The following G2E3 variants were observed in gnomAD, a reference collection of about 807,000 sequenced individuals.
G2E3 encodes G2/M-phase specific E3 ubiquitin protein ligase, also known as G2/M phase-specific E3 ubiquitin-protein ligase.
G2E3 carries 35 observed loss-of-function variants against 92.8 expected under a neutral mutation model. The observed-to-expected ratio is 0.38, with a 90% CI of 0.29 to 0.50. G2E3 has a LOEUF of 0.50. G2E3 is among the 20% of genes least tolerant of loss of function. The pLI is 0.94. For missense variants in G2E3, 554 were observed against 823.8 expected (o/e 0.67, Z 4.01); for synonymous variants, 242 against 272.4 (o/e 0.89, Z 1.10).
intron 12 of G2E3, 108 bp from the exon 13 acceptor site, chr14:30,612,099 C>T: frequency 1.4e-6 from 1 of 698,552 alleles, no homozygotes; most frequent in Non-Finnish European, 2.5e-6. Flanking sequence ...TTTTACTGCA[C>T]CCATATGTAC....
At chr14:30,610,889 G>A (rs118095521) in intron 12 of G2E3, among the ~76,000 whole-genome samples, 1 of 152,202 alleles carries the variant, frequency 6.6e-6, no homozygotes, top group African/African-American at 2.4e-5. Context: ...ATTTGCTACT[G>A]ATCTGACTGC....
intron 5 of G2E3, among the ~76,000 whole-genome samples, chr14:30,592,661 G>C (rs1881079772): frequency 7.4e-6 from 1 of 134,532 alleles, no homozygotes; most frequent in Non-Finnish European, 1.5e-5. Context: ...CTAATGATTA[G>C]CTTTCATTTT....
chr14:30,579,115 G>T (rs577779943), intron 1 of G2E3, among the ~76,000 whole-genome samples: 16 of 151,958 alleles, frequency 1.1e-4, no homozygotes, highest in Non-Finnish European at 1.8e-4. Context: ...CATCAAAAGC[G>T]CCATCGTATA....
chr14:30,570,329 A>T (rs1426685171), intron 1 of G2E3, among the ~76,000 whole-genome samples: 2 of 152,104 alleles, frequency 1.3e-5, no homozygotes, highest in Non-Finnish European at 2.9e-5. Context: ...AAAGATCTTG[A>T]GCTTCTTAAA....
intron 7 of G2E3, among the ~76,000 whole-genome samples, chr14:30,597,833 T>C (rs1881364652): frequency 6.6e-6 from 1 of 152,198 alleles, no homozygotes; most frequent in Non-Finnish European, 1.5e-5. Context: ...CAAGATGTGA[T>C]TTAAAATATG....
intron 3 of G2E3, 113 bp from the exon 4 acceptor site, chr14:30,589,270 A>G: frequency 1.6e-6 from 1 of 629,962 alleles, no homozygotes; most frequent in Non-Finnish European, 2.8e-6. Flanking sequence ...ACTACTTGAA[A>G]TTTGAGCCAT....
intron 2 of G2E3, among the ~76,000 whole-genome samples, chr14:30,584,026 C>T (rs1020100804): frequency 6.6e-6 from 1 of 152,254 alleles, no homozygotes; most frequent in South Asian, 2.1e-4. Flanking sequence ...CCTCATTTTC[C>T]GTGTCCCCAG....
chr14:30,616,795 C>T lies in G2E3; in HGVS notation c.*261C>T, dbSNP rs1158705239. 2 of 253,190 alleles carry T rather than the reference C, an allele frequency of 7.9e-6. No homozygotes were observed. The highest frequency in any genetic ancestry group is 4.5e-5 in the African/African-American group (2 of 44,436). The allele number at this position is 253,190 out of a possible 1,614,324, so 15.7% of individuals were successfully genotyped here. On this transcript the variant is annotated 3_prime_UTR_variant, in exon 15 of 15. Transcript: ENST00000206595. Reference sequence around the variant, plus strand: ...TCATAAACCTCAATATAAATACTCTCAAAATGGTTGTATGGATTTTATTTA... The same window carrying T: ...TCATAAACCTCAATATAAATACTCTTAAAATGGTTGTATGGATTTTATTTA...
At chr14:30,582,870 ATCT>A (rs1435002629) in intron 2 of G2E3, among the ~76,000 whole-genome samples, 3 of 152,204 alleles carry the variant, frequency 2.0e-5, no homozygotes, top group Non-Finnish European at 4.4e-5. Flanking sequence ...ATACGAGCTC[ATCT>A]TATTTCTTTT....
chr14:30,578,799 AT>A (rs1481035421), intron 1 of G2E3, among the ~76,000 whole-genome samples: 3 of 152,180 alleles, frequency 2.0e-5, no homozygotes, highest in Non-Finnish European at 2.9e-5. Flanking sequence ...AAGAGGAGGC[AT>A]TTTATCTTCC....
intron 2 of G2E3, 128 bp from the exon 3 acceptor site, chr14:30,586,590 G>C: frequency 2.4e-6 from 1 of 413,292 alleles, no homozygotes; most frequent in East Asian, 4.0e-5. Context: ...TTAAGTTACT[G>C]ATATCAATAT....
At chr14:30,600,466 A>G (rs1241106273) in intron 8 of G2E3, among the ~76,000 whole-genome samples, 2 of 152,232 alleles carry the variant, frequency 1.3e-5, no homozygotes, top group Non-Finnish European at 2.9e-5. Context: ...TCATTCGTTA[A>G]CACCAATAAT....
intron 11 of G2E3, among the ~76,000 whole-genome samples, chr14:30,606,279 C>T (rs559054257): frequency 2.6e-5 from 4 of 151,532 alleles, no homozygotes; most frequent in African/African-American, 9.7e-5. Context: ...GGTTTTCTGT[C>T]TTCACTATTG....
At chr14:30,585,384 AT>A (rs1880654166) in intron 2 of G2E3, among the ~76,000 whole-genome samples, 1 of 152,132 alleles carries the variant, frequency 6.6e-6, no homozygotes, top group Admixed American at 6.5e-5. Flanking sequence ...TAAGGAGCTA[AT>A]TGTCCCAGCA....
At chr14:30,603,776 TC>T (rs1881694380) in intron 10 of G2E3, among the ~76,000 whole-genome samples, 1 of 152,190 alleles carries the variant, frequency 6.6e-6, no homozygotes, top group Non-Finnish European at 1.5e-5. Flanking sequence ...GCCCAGGAGT[TC>T]AAGCTGCAAT....
chr14:30,604,330 G>T (rs1220209331), intron 10 of G2E3, among the ~76,000 whole-genome samples: 1 of 152,252 alleles, frequency 6.6e-6, no homozygotes, highest in East Asian at 1.9e-4. Context: ...CTAGGGCACT[G>T]TAACGTCTTG....
intron 8 of G2E3, among the ~76,000 whole-genome samples, chr14:30,599,738 A>T (rs1881471349): frequency 6.6e-6 from 1 of 152,144 alleles, no homozygotes; most frequent in African/African-American, 2.4e-5. Flanking sequence ...CAAAATTATA[A>T]CATTTTGGAA....
chr14:30,593,788 A>T, intron 6 of G2E3, 149 bp downstream of exon 6: 1 of 611,018 alleles, frequency 1.6e-6, no homozygotes, highest in East Asian at 3.0e-5. Context: ...TTTGAAGCAG[A>T]TTTTACATAC....
chr14:30,615,204 T>C, intron 13 of G2E3, 145 bp from the exon 14 acceptor site: 2 of 522,668 alleles, frequency 3.8e-6, no homozygotes, highest in East Asian at 3.0e-5. Context: ...GAAAATATGA[T>C]TGTCTCTTGT....
Sources: allele counts gnomAD v4.1 joint callset (sites outside exome capture counted in the v4.1 genomes callset), GRCh38; gene constraint gnomAD v4.1.1; transcripts MANE v1.5; gene names NCBI Gene and HGNC (gene_info 2026-07-23, HGNC 2026-07-21).